The following TMEM132B variants were observed in gnomAD, a reference collection of about 807,000 sequenced individuals.
TMEM132B encodes the protein transmembrane protein 132B.
In TMEM132B, 18 loss-of-function variants were observed where a neutral mutation model predicts 90.8. That is an observed-to-expected ratio of 0.20 (90% CI 0.14 to 0.29). TMEM132B has a LOEUF of 0.29. Ranked by LOEUF, TMEM132B falls within the 10% of genes least tolerant of loss-of-function variation. The pLI is 1.00. For synonymous variants in TMEM132B, 504 were observed against 523.3 expected (o/e 0.96, Z 0.50); for missense variants, 1,096 against 1,326.8 (o/e 0.83, Z 2.70).
intron 3 of TMEM132B, among the ~76,000 whole-genome samples, chr12:125,438,303 A>G (rs1880759593): frequency 6.6e-6 from 1 of 152,126 alleles, no homozygotes; most frequent in Non-Finnish European, 1.5e-5. Context: ...GAGAGGTGTA[A>G]CTCTTAAGGA....
Position 125,338,421 on chromosome 12 carries a change from G to A in TMEM132B, c.68-11031G>A, listed in dbSNP as rs537204662. ...CACTTGGATGCCTGACATTTCTCTG[G>A]AGGGTTAACTCAGTGTCGAGGAGTT... On this transcript the variant is annotated intron_variant, in intron 1 of 8. Transcript: ENST00000682704. Among the ~76,000 whole-genome samples the A allele has an allele frequency of 3.9e-5, 6 of 152,310 alleles. No homozygotes were observed. In the South Asian group the frequency reaches 8.3e-4, roughly 21 times the overall value.
At chr12:125,218,769 G>GTTTTTTTTTTTTTTTTTTTTT in intron 1 of TMEM132B, among the ~76,000 whole-genome samples, 1 of 108,854 alleles carries the variant, frequency 9.2e-6, no homozygotes, top group Non-Finnish European at 1.7e-5. Context: ...TGTTGAAGCT[G>GTTTTTTTTTTTTTTTTTTTTT]TTTTTTTTTT....
At chr12:125,259,592 AAGAATTGGG>A (rs1366012580) in intron 1 of TMEM132B, among the ~76,000 whole-genome samples, 2 of 152,146 alleles carry the variant, frequency 1.3e-5, no homozygotes, top group Non-Finnish European at 2.9e-5. Context: ...AAAATGCTCT[AAGAATTGGG>A]AGGGAACCCT....
At chr12:125,599,019 A>C (rs1487152489) in intron 5 of TMEM132B, among the ~76,000 whole-genome samples, 1 of 152,162 alleles carries the variant, frequency 6.6e-6, no homozygotes, top group African/African-American at 2.4e-5. Context: ...TTCAAGTCAC[A>C]TCTGTAGATC....
chr12:125,376,618 C>T (rs1020634623), intron 2 of TMEM132B, among the ~76,000 whole-genome samples: 7 of 152,228 alleles, frequency 4.6e-5, no homozygotes, highest in Admixed American at 3.9e-4. Flanking sequence ...CACTTCCCCA[C>T]TTCCTGGAGG....
chr12:125,649,754 A>C (rs1032289425), intron 6 of TMEM132B, among the ~76,000 whole-genome samples: 12 of 151,800 alleles, frequency 7.9e-5, no homozygotes, highest in Non-Finnish European at 1.5e-5. Flanking sequence ...CAAACAAAGC[A>C]CTCTCATAAA....
At chr12:125,621,313 G>T (rs988053957) in intron 5 of TMEM132B, among the ~76,000 whole-genome samples, 1 of 152,104 alleles carries the variant, frequency 6.6e-6, no homozygotes, top group African/African-American at 2.4e-5. Flanking sequence ...AATGATGAGG[G>T]CATTTCAGAC....
chr12:125,269,806 T>G (rs11058108), intron 1 of TMEM132B, among the ~76,000 whole-genome samples: 9,383 of 152,182 alleles, frequency 0.062, 997 homozygotes, highest in African/African-American at 0.21. Context: ...AGAACTGGTA[T>G]GGCAGCTCCT....
chr12:125,243,403 T>C (rs1321780647), intron 1 of TMEM132B, among the ~76,000 whole-genome samples: 4 of 145,662 alleles, frequency 2.7e-5, no homozygotes, highest in African/African-American at 1.0e-4. Context: ...GCCTCCCGGG[T>C]TCCAGCAATT....
intron 5 of TMEM132B, among the ~76,000 whole-genome samples, chr12:125,603,849 T>G (rs1435726185): frequency 1.3e-5 from 2 of 151,116 alleles, no homozygotes; most frequent in Non-Finnish European, 3.0e-5. Flanking sequence ...GAAGAAAAGC[T>G]CAACATCACT....
intron 1 of TMEM132B, among the ~76,000 whole-genome samples, chr12:125,263,125 A>G (rs1024938262): frequency 1.3e-5 from 2 of 152,132 alleles, no homozygotes; most frequent in African/African-American, 4.8e-5. Flanking sequence ...ATCCCGTGGT[A>G]TTGGCAGTGG....
chr12:125,359,626 A>C (rs1877897972), intron 2 of TMEM132B, among the ~76,000 whole-genome samples: 1 of 152,234 alleles, frequency 6.6e-6, no homozygotes, highest in African/African-American at 2.4e-5. Flanking sequence ...ATCAACACTG[A>C]TTTTATAAAT....
At chr12:125,280,535 A>G (rs1219283544) in intron 1 of TMEM132B, among the ~76,000 whole-genome samples, 1 of 152,222 alleles carries the variant, frequency 6.6e-6, no homozygotes, top group Non-Finnish European at 1.5e-5. Flanking sequence ...GCACCTGGCC[A>G]TGGGCTCTGC....
At chr12:125,476,192 T>TA (rs1881877417) in intron 3 of TMEM132B, among the ~76,000 whole-genome samples, 1 of 152,200 alleles carries the variant, frequency 6.6e-6, no homozygotes, top group Non-Finnish European at 1.5e-5. Flanking sequence ...AACATGAAAT[T>TA]AACCATTTTA....
At chr12:125,250,029 C>T (rs531819637) in intron 1 of TMEM132B, among the ~76,000 whole-genome samples, 1 of 152,362 alleles carries the variant, frequency 6.6e-6, no homozygotes, top group Non-Finnish European at 1.5e-5. Flanking sequence ...GGGAGAATCC[C>T]CCATTAAGCA....
intron 2 of TMEM132B, among the ~76,000 whole-genome samples, chr12:125,404,550 A>T (rs1206618831): frequency 2.0e-5 from 3 of 152,206 alleles, no homozygotes; most frequent in Non-Finnish European, 1.5e-5. Context: ...GCTAATGCTG[A>T]TCCACGTCTT....
intron 1 of TMEM132B, among the ~76,000 whole-genome samples, chr12:125,214,949 C>T (rs1364673409): frequency 1.3e-5 from 2 of 152,198 alleles, no homozygotes; most frequent in East Asian, 3.9e-4. Flanking sequence ...CTTCGCCTCC[C>T]TCTGAGACTT....
rs1262978323 is a variant in TMEM132B at position 125,445,840 on chromosome 12, TG to T, written c.1106+30167del. Among the ~76,000 whole-genome samples the T allele has an allele frequency of 6.6e-6, 1 of 152,186 alleles. No homozygotes were observed. The highest frequency in any genetic ancestry group is 1.9e-4 in the East Asian group (1 of 5,182). On this transcript the variant is annotated intron_variant, in intron 3 of 8. Transcript: ENST00000682704. This position sits in a 1 kb window ranked among gnomAD's most constrained non-coding sequence, Gnocchi z 4.3. ...CACCTCAGGCCATGTGCTACCCTCC[TG>T]GGGAGTGGCTCTCAACACTGTGACT...
chr12:125,330,847 G>T (rs1876745706), intron 1 of TMEM132B, among the ~76,000 whole-genome samples: 1 of 152,230 alleles, frequency 6.6e-6, no homozygotes, highest in South Asian at 2.1e-4. Context: ...TTTGGGACCA[G>T]CCTGGGCAAC....
Sources: allele counts gnomAD v4.1 joint callset (sites outside exome capture counted in the v4.1 genomes callset), GRCh38; gene constraint gnomAD v4.1.1; non-coding constraint Gnocchi (gnomAD v3.1); transcripts MANE v1.5; gene names NCBI Gene and HGNC (gene_info 2026-07-23, HGNC 2026-07-21).